NMNAT3: variants seen among roughly 807,000 people sequenced by gnomAD.
NMNAT3 encodes the protein nicotinamide nucleotide adenylyltransferase 3.
A neutral mutation model predicts 24.8 loss-of-function variants in NMNAT3; 21 were observed. The ratio of observed to expected loss-of-function variants is 0.85; its 90% CI spans 0.60 to 1.22. NMNAT3 has a LOEUF of 1.22. Among genes scored for constraint, NMNAT3 ranks in the 50% most tolerant of loss-of-function variants. NMNAT3 has a pLI of 0.00. For missense variants in NMNAT3, 387 were observed against 436.6 expected (o/e 0.89, Z 1.01); for synonymous variants, 136 against 155.2 (o/e 0.88, Z 0.92).
At chr3:139,605,112 G>A (rs1293433190) in intron 3 of NMNAT3, among the ~76,000 whole-genome samples, 1 of 152,140 alleles carries the variant, frequency 6.6e-6, no homozygotes. Flanking sequence ...TTGCTGCAAA[G>A]TTTTTCAAGC....
chr3:139,640,240 A>G (rs2056653888), intron 1 of NMNAT3, among the ~76,000 whole-genome samples: 1 of 152,196 alleles, frequency 6.6e-6, no homozygotes, highest in African/African-American at 2.4e-5. Context: ...CTAGTGTCCC[A>G]GTGTCTGCCC....
At chr3:139,575,858 A>C (rs1291301822) in intron 5 of NMNAT3, 1 of 1,245,404 alleles carries the variant, frequency 8.0e-7, no homozygotes, top group African/African-American at 1.6e-5. Flanking sequence ...AGCCAGCCAC[A>C]TCATGTTCCC....
At chr3:139,572,046 C>T (rs1462346994) in intron 6 of NMNAT3, 1 of 398,624 alleles carries the variant, frequency 2.5e-6, no homozygotes, top group East Asian at 3.6e-5. Flanking sequence ...AGTCATCCTG[C>T]AAGTCTCAGT....
intron 3 of NMNAT3, among the ~76,000 whole-genome samples, chr3:139,623,742 C>G (rs899880673): frequency 2.6e-5 from 4 of 152,128 alleles, no homozygotes; most frequent in Non-Finnish European, 4.4e-5. Flanking sequence ...GCCACCAGGC[C>G]TGGCTAATTT....
chr3:139,661,388 G>T (rs76004710), intron 1 of NMNAT3, among the ~76,000 whole-genome samples: 3,213 of 152,282 alleles, frequency 0.021, 132 homozygotes, highest in African/African-American at 0.074. Context: ...AAAGTAGAGG[G>T]CTAGGTGTGG....
chr3:139,595,009 AG>A (rs944176676), intron 3 of NMNAT3, among the ~76,000 whole-genome samples: 117 of 152,326 alleles, frequency 7.7e-4, no homozygotes, highest in Admixed American at 7.2e-3. Flanking sequence ...TTAGGAAAAG[AG>A]GAAGTCAAAT....
chr3:139,655,631 A>AAGG (rs2057213935), intron 1 of NMNAT3, among the ~76,000 whole-genome samples: 1 of 152,048 alleles, frequency 6.6e-6, no homozygotes, highest in East Asian at 1.9e-4. Flanking sequence ...CTAGATGAAG[A>AAGG]AGAAGCATTT....
At chr3:139,573,931 T>C (rs955985361) in intron 5 of NMNAT3, among the ~76,000 whole-genome samples, 32 of 152,134 alleles carry the variant, frequency 2.1e-4, no homozygotes, top group Non-Finnish European at 4.3e-4. Flanking sequence ...GCAGGGAAAT[T>C]AGTACATTTC....
intron 6 of NMNAT3, among the ~76,000 whole-genome samples, chr3:139,563,329 G>T (rs535484912): frequency 4.0e-4 from 61 of 152,294 alleles, no homozygotes; most frequent in Non-Finnish European, 8.2e-4. Flanking sequence ...AAACAATTAG[G>T]TAGTTTTATG....
chr3:139,598,251 C>T (rs970441619), intron 3 of NMNAT3, among the ~76,000 whole-genome samples: 4 of 152,106 alleles, frequency 2.6e-5, no homozygotes, highest in African/African-American at 9.7e-5. Flanking sequence ...TAGAACCTGG[C>T]CACTCTTCCA....
intron 1 of NMNAT3, among the ~76,000 whole-genome samples, chr3:139,651,745 A>T (rs780754867): frequency 2.6e-5 from 4 of 152,178 alleles, no homozygotes; most frequent in Non-Finnish European, 5.9e-5. Context: ...GCTCCGGGCA[A>T]GGGTGCAAAA....
chr3:139,654,805 C>T (rs1012050736), intron 1 of NMNAT3, among the ~76,000 whole-genome samples: 11 of 152,258 alleles, frequency 7.2e-5, no homozygotes, highest in African/African-American at 2.4e-4. Context: ...TTAATAATCC[C>T]TTCATTCAGC....
intron 3 of NMNAT3, among the ~76,000 whole-genome samples, chr3:139,597,148 C>A (rs2054522466): frequency 6.6e-6 from 1 of 151,578 alleles, no homozygotes; most frequent in African/African-American, 2.4e-5. Flanking sequence ...CTTTCTATAA[C>A]TATATTTCTT....
At chr3:139,658,824 G>A (rs917057240) in intron 1 of NMNAT3, among the ~76,000 whole-genome samples, 2 of 152,060 alleles carry the variant, frequency 1.3e-5, no homozygotes, top group African/African-American at 4.8e-5. Context: ...AGGGCATCAT[G>A]TAATAAATTT....
intron 3 of NMNAT3, among the ~76,000 whole-genome samples, chr3:139,592,411 G>C (rs893851434): frequency 5.9e-5 from 9 of 152,182 alleles, no homozygotes; most frequent in Non-Finnish European, 1.5e-5. Flanking sequence ...TATTATCCAG[G>C]AGAACTTCCC....
chr3:139,591,384 G>C (rs532970157), intron 3 of NMNAT3, among the ~76,000 whole-genome samples: 17 of 152,296 alleles, frequency 1.1e-4, no homozygotes, highest in Middle Eastern at 3.4e-3. Flanking sequence ...CGGCAACGAG[G>C]CTCGGGAAGG....
chr3:139,574,050 C>T (rs565421124), intron 5 of NMNAT3, among the ~76,000 whole-genome samples: 2 of 152,248 alleles, frequency 1.3e-5, no homozygotes, highest in African/African-American at 2.4e-5. Context: ...ATTCAAGACA[C>T]ATTTTCATTT....
chr3:139,590,912 G>A (rs2054132662), intron 3 of NMNAT3, among the ~76,000 whole-genome samples: 1 of 152,056 alleles, frequency 6.6e-6, no homozygotes, highest in South Asian at 2.1e-4. Flanking sequence ...TTTAATAGCT[G>A]CATAATGATA....
chr3:139,656,215 C>G (rs1373087321), intron 1 of NMNAT3, among the ~76,000 whole-genome samples: 1 of 152,194 alleles, frequency 6.6e-6, no homozygotes, highest in African/African-American at 2.4e-5. Flanking sequence ...GGAAAGGATT[C>G]TATCATGCAG....
Sources: allele counts gnomAD v4.1 joint callset (sites outside exome capture counted in the v4.1 genomes callset), GRCh38; gene constraint gnomAD v4.1.1; transcripts MANE v1.5; gene names NCBI Gene and HGNC (gene_info 2026-07-23, HGNC 2026-07-21).